NCOA6: variants seen among roughly 807,000 people sequenced by gnomAD.
NCOA6 encodes nuclear receptor coactivator 6.
Under a neutral mutation model 171.4 loss-of-function variants are expected in NCOA6, and 49 were observed. That is an observed-to-expected ratio of 0.29 (90% CI 0.23 to 0.36). The LOEUF (loss-of-function observed/expected upper bound fraction) is 0.36. NCOA6 is among the 10% of genes least tolerant of loss of function. The probability of loss-of-function intolerance (pLI) is 1.00; values close to 1 mark genes in which losing one functional copy is unlikely to be tolerated. For missense variants in NCOA6, 2,248 were observed against 2,554.5 expected (o/e 0.88, Z 2.59); for synonymous variants, 910 against 927.5 (o/e 0.98, Z 0.34).
chr20:34,733,151 G>A (rs1246963074), intron 12 of NCOA6, among the ~76,000 whole-genome samples: 2 of 152,162 alleles, frequency 1.3e-5, no homozygotes, highest in Non-Finnish European at 2.9e-5. Context: ...GAAAATCTTA[G>A]TAATCTGTCT....
intron 1 of NCOA6, among the ~76,000 whole-genome samples, chr20:34,795,548 G>A (rs931170449): frequency 1.3e-5 from 2 of 152,142 alleles, no homozygotes; most frequent in Non-Finnish European, 2.9e-5. Context: ...ACTAGAATAT[G>A]GAACTTGCTA....
chr20:34,727,511 T>C, intron 13 of NCOA6, 104 bp from the exon 14 acceptor site: 1 of 1,230,002 alleles, frequency 8.1e-7, no homozygotes, highest in Non-Finnish European at 1.1e-6. Context: ...GACTAAGAAC[T>C]ATATAGTTAT....
At chr20:34,731,882 G>A (rs1320775185) in intron 13 of NCOA6, among the ~76,000 whole-genome samples, 1 of 152,162 alleles carries the variant, frequency 6.6e-6, no homozygotes, top group Non-Finnish European at 1.5e-5. Context: ...TTAGCTAGGT[G>A]TGGTGGTACA....
rs139906844 is a variant in NCOA6 at position 34,733,910 on chromosome 20, A to C, written c.5963-1315T>G. Among the ~76,000 whole-genome samples, 611 of 145,572 alleles carry C rather than the reference A, an allele frequency of 4.2e-3. 2 individuals are homozygous for C. Among genetic ancestry groups the C allele is most frequent in the African/African-American group, 0.015 (584 of 39,952 alleles). On this transcript the variant is annotated intron_variant, in intron 12 of 14. Coordinates refer to ENST00000359003, the MANE Select transcript of NCOA6 (RefSeq NM_014071.5). Reference sequence around the variant, plus strand: ...GAATCTTTGCTTCTCATTGCTGTTTAGCCTCCTGTATTTGTACCCACAAAG... The same window carrying C: ...GAATCTTTGCTTCTCATTGCTGTTTCGCCTCCTGTATTTGTACCCACAAAG...
At chr20:34,760,838 G>C (rs1236502707) in intron 5 of NCOA6, among the ~76,000 whole-genome samples, 3 of 151,980 alleles carry the variant, frequency 2.0e-5, no homozygotes, top group African/African-American at 7.2e-5. Context: ...TTTAAAATTT[G>C]TACTTTTTTC....
intron 5 of NCOA6, among the ~76,000 whole-genome samples, chr20:34,765,097 G>A (rs937639508): frequency 1.3e-4 from 20 of 151,524 alleles, no homozygotes; most frequent in African/African-American, 4.9e-4. Context: ...CTCCAGCCTG[G>A]GTGATGGAGT....
chr20:34,781,495 G>A (rs1361088240), intron 3 of NCOA6, among the ~76,000 whole-genome samples: 1 of 152,130 alleles, frequency 6.6e-6, no homozygotes, highest in Non-Finnish European at 1.5e-5. Flanking sequence ...GTACCATCTG[G>A]GAGAGAGGGA....
rs2076126637 is a variant in NCOA6, at chr20:34,741,073, G to A, written c.5183C>T (p.Thr1728Ile). 1 of 1,614,262 alleles carries A rather than the reference G, an allele frequency of 6.2e-7. No homozygotes were observed. The highest frequency in any genetic ancestry group is 2.2e-5 in the East Asian group (1 of 44,892). Residue 1728 changes from threonine (T) to isoleucine (I), a missense_variant, in exon 11 of 15, where the codon ACA becomes ATA. Thr to Ile is a moderately conservative substitution (Grantham distance 89). Coordinates refer to ENST00000359003, the MANE Select transcript of NCOA6 (RefSeq NM_014071.5). ...TGAGCTAAGGACCAAAGGTCGACCTGTCTGGATGTTTGGAGCAGGACTACT... is the reference window on the plus strand; with the variant it reads ...TGAGCTAAGGACCAAAGGTCGACCTATCTGGATGTTTGGAGCAGGACTACT... Reference protein sequence around the residue: ...LSSSPAPNIQTGRPLVLSSRA... With the variant: ...LSSSPAPNIQIGRPLVLSSRA...
intron 1 of NCOA6, among the ~76,000 whole-genome samples, chr20:34,810,294 T>C (rs1160379881): frequency 6.6e-6 from 1 of 152,212 alleles, no homozygotes; most frequent in Non-Finnish European, 1.5e-5. Flanking sequence ...ACAAATGAAG[T>C]CCTTCATATC....
At position 34,729,766 on chromosome 20, in the gene NCOA6, T is replaced by A. The variant is rs114067395; in HGVS notation, c.6000-2359A>T. 2.5e-3 allele frequency among the ~76,000 whole-genome samples: 383 copies of A among 152,296 alleles called. 1 individual carries two copies. Among genetic ancestry groups the A allele is most frequent in the African/African-American group, 8.7e-3 (360 of 41,564 alleles). On this transcript the variant is annotated intron_variant, in intron 13 of 14. Transcript: ENST00000359003. ...GTGAACCTCTTAAGGACACAGACCA[T>A]AACCTGACTGTCAACTATCCCTACC...
At chr20:34,734,146 C>T (rs1481038961) in intron 12 of NCOA6, among the ~76,000 whole-genome samples, 1 of 152,090 alleles carries the variant, frequency 6.6e-6, no homozygotes, top group Non-Finnish European at 1.5e-5. Flanking sequence ...CTCACTGCAA[C>T]CCCCACCTCC....
intron 11 of NCOA6, among the ~76,000 whole-genome samples, chr20:34,737,019 A>C (rs549133951): frequency 6.6e-6 from 1 of 152,218 alleles, no homozygotes; most frequent in Non-Finnish European, 1.5e-5. Flanking sequence ...AGAGATGGCT[A>C]TAAGAACATA....
chr20:34,718,667 A>G (rs1256488963), intron 14 of NCOA6, among the ~76,000 whole-genome samples: 1 of 152,050 alleles, frequency 6.6e-6, no homozygotes, highest in African/African-American at 2.4e-5. Context: ...CACCACGCCC[A>G]GCTAATGGTT....
chr20:34,783,618 A>T (rs1471410527), intron 2 of NCOA6, among the ~76,000 whole-genome samples: 2 of 151,990 alleles, frequency 1.3e-5, no homozygotes, highest in African/African-American at 4.8e-5. Context: ...TAACTATAAT[A>T]CAACATTGAT....
At chr20:34,803,879 A>T (rs1405217191) in intron 1 of NCOA6, among the ~76,000 whole-genome samples, 1 of 151,576 alleles carries the variant, frequency 6.6e-6, no homozygotes. Context: ...CACACCTGTA[A>T]TCCCACCTAC....
chr20:34,822,060 T>G (rs758308020), intron 1 of NCOA6, among the ~76,000 whole-genome samples: 1 of 152,116 alleles, frequency 6.6e-6, no homozygotes, highest in Non-Finnish European at 1.5e-5. Context: ...CTCTGCTCAG[T>G]GCCCACAGTC....
chr20:34,788,852 G>T (rs1306192814), intron 2 of NCOA6, among the ~76,000 whole-genome samples: 1 of 152,198 alleles, frequency 6.6e-6, no homozygotes, highest in African/African-American at 2.4e-5. Context: ...GCTAAGGCAG[G>T]AGAATCACTT....
intron 2 of NCOA6, among the ~76,000 whole-genome samples, chr20:34,787,318 T>C (rs577343051): frequency 6.6e-6 from 1 of 151,628 alleles, no homozygotes; most frequent in African/African-American, 2.4e-5. Context: ...GAGCCCAGGA[T>C]TTTGAGACCA....
At chr20:34,715,509 TCACAGG>T (rs1297573738) in intron 14 of NCOA6, 144 bp from the exon 15 acceptor site, 1 of 641,650 alleles carries the variant, frequency 1.6e-6, no homozygotes. Context: ...ATGGAGAGAG[TCACAGG>T]CTTTGCTTGA....
Sources: gnomAD v4.1 joint callset for allele counts (sites outside exome capture counted in the v4.1 genomes callset) on GRCh38, gnomAD v4.1.1 for gene constraint, MANE v1.5 for transcripts, NCBI Gene and HGNC (gene_info 2026-07-23, HGNC 2026-07-21) for gene names.